ANXA8: variants seen among roughly 807,000 people sequenced by gnomAD.
ANXA8 encodes VAC-beta.
ANXA8 carries 9 observed loss-of-function variants against 26.8 expected under a neutral mutation model. The observed-to-expected ratio is 0.34, with a 90% CI of 0.20 to 0.59. The LOEUF is 0.59. Among genes scored for constraint, ANXA8 ranks in the 20% least tolerant of loss-of-function variants. ANXA8 has a pLI of 0.84. For synonymous variants in ANXA8, 39 were observed against 94.8 expected (o/e 0.41, Z 3.42); for missense variants, 83 against 238.5 (o/e 0.35, Z 4.29).
At chr10:47,521,815 C>T in the ANXA8 span, among the ~76,000 whole-genome samples, 1 of 151,206 alleles carries the variant, frequency 6.6e-6, no homozygotes, top group Non-Finnish European at 1.5e-5. Flanking sequence ...GAGTCTCGCT[C>T]TGTCACCCAG....
chr10:47,553,158 TTTC>T, the ANXA8 span, among the ~76,000 whole-genome samples: 1 of 151,994 alleles, frequency 6.6e-6, no homozygotes, highest in Non-Finnish European at 1.5e-5. Context: ...TTCTCTCCCT[TTTC>T]TTCTTGGTGG....
the ANXA8 span, among the ~76,000 whole-genome samples, chr10:47,733,175 T>TTCTTTCTTTCTCTCTCTCTC: frequency 1.1e-4 from 10 of 93,368 alleles, 1 homozygote; most frequent in African/African-American, 3.2e-4. Context: ...CTTTCTTTCT[T>TTCTTTCTTTCTCTCTCTCTC]TCTTTCTTTC....
the ANXA8 span, among the ~76,000 whole-genome samples, chr10:47,667,461 A>G: frequency 1.3e-5 from 2 of 151,790 alleles, no homozygotes; most frequent in Non-Finnish European, 2.9e-5. Context: ...GTTGTACTGT[A>G]TTTTAAACAA....
chr10:47,565,126 C>A, the ANXA8 span: 1 of 751,466 alleles, frequency 1.3e-6, no homozygotes, highest in East Asian at 2.5e-5. Context: ...ACTTCAACTT[C>A]CTGGGCCAGC....
At chr10:47,673,293 C>T in the ANXA8 span, among the ~76,000 whole-genome samples, 68 of 151,628 alleles carry the variant, frequency 4.5e-4, no homozygotes, top group African/African-American at 1.6e-3. Context: ...AGGGCAACCA[C>T]CCTTAGAAGG....
the ANXA8 span, among the ~76,000 whole-genome samples, chr10:47,744,353 C>A: frequency 7.0e-6 from 1 of 143,628 alleles, no homozygotes; most frequent in African/African-American, 2.6e-5. Flanking sequence ...CCCTGAGAAA[C>A]GGCACATCCT....
chr10:47,738,793 T>A, the ANXA8 span, among the ~76,000 whole-genome samples: 2 of 151,948 alleles, frequency 1.3e-5, no homozygotes, highest in African/African-American at 4.8e-5. Context: ...CCCAGGCTGG[T>A]CTGGAACTCC....
chr10:47,960,755 C>A, the ANXA8 span, among the ~76,000 whole-genome samples: 1 of 145,494 alleles, frequency 6.9e-6, no homozygotes, highest in Non-Finnish European at 1.5e-5. Flanking sequence ...CATGCCCCCC[C>A]AACAGTGATA....
chr10:47,987,059 T>C, the ANXA8 span: 1 of 469,072 alleles, frequency 2.1e-6, no homozygotes, highest in East Asian at 3.2e-5. Flanking sequence ...GGAAGAGGAG[T>C]AGGGGCTGAA....
At chr10:47,745,285 T>C in the ANXA8 span, among the ~76,000 whole-genome samples, 1 of 146,050 alleles carries the variant, frequency 6.8e-6, no homozygotes, top group African/African-American at 2.5e-5. Context: ...AGAGTGGGGT[T>C]AGCACACGGT....
chr10:47,522,259 AC>A, the ANXA8 span, among the ~76,000 whole-genome samples: 1 of 143,722 alleles, frequency 7.0e-6, no homozygotes, highest in East Asian at 2.6e-4. Flanking sequence ...GAAAGTTTTG[AC>A]CGTGAACCAA....
At chr10:47,726,795 A>C in the ANXA8 span, 2 of 1,080,716 alleles carry the variant, frequency 1.9e-6, no homozygotes, top group Non-Finnish European at 2.9e-6. Context: ...CATTTCTTTT[A>C]TTTGAAAATC....
At chr10:47,664,049 AT>A in the ANXA8 span, among the ~76,000 whole-genome samples, 2 of 150,496 alleles carry the variant, frequency 1.3e-5, no homozygotes, top group Non-Finnish European at 2.9e-5. Context: ...CATTGACTAC[AT>A]TGTCTACTAA....
chr10:47,517,199 G>A, the ANXA8 span, among the ~76,000 whole-genome samples: 749 of 84,812 alleles, frequency 8.8e-3, no homozygotes, highest in Admixed American at 0.019. Context: ...TCAATAGACA[G>A]TGCTGGCAAT....
chr10:47,978,031 G>A, the ANXA8 span, among the ~76,000 whole-genome samples: 1 of 151,444 alleles, frequency 6.6e-6, no homozygotes, highest in Non-Finnish European at 1.5e-5. Flanking sequence ...AAAAGCCAAT[G>A]ACAAAAAGAG....
At chr10:47,548,317 T>G in the ANXA8 span, among the ~76,000 whole-genome samples, 1 of 147,828 alleles carries the variant, frequency 6.8e-6, no homozygotes, top group Admixed American at 6.8e-5. Context: ...TTTTTTTTTT[T>G]TGAGACAGAA....
At chr10:47,547,990 GAAAC>G in the ANXA8 span, among the ~76,000 whole-genome samples, 2 of 141,514 alleles carry the variant, frequency 1.4e-5, no homozygotes, top group Admixed American at 7.2e-5. Context: ...AAATAAAAGA[GAAAC>G]AAATGACTTC....
the ANXA8 span, among the ~76,000 whole-genome samples, chr10:47,713,128 GC>G: frequency 1.4e-5 from 2 of 147,036 alleles, no homozygotes; most frequent in South Asian, 4.3e-4. Context: ...CTATTAGCCA[GC>G]TTATTAAAAC....
chr10:47,953,355 A>G, the ANXA8 span, among the ~76,000 whole-genome samples: 1 of 150,308 alleles, frequency 6.7e-6, no homozygotes, highest in South Asian at 2.1e-4. Context: ...GCAGCATTAC[A>G]CATCAGGGAA....
Sources: gnomAD v4.1 joint callset for allele counts (sites outside exome capture counted in the v4.1 genomes callset) on GRCh38, gnomAD v4.1.1 for gene constraint, MANE v1.5 for transcripts, NCBI Gene and HGNC (gene_info 2026-07-23, HGNC 2026-07-21) for gene names.